Variants in RFTN1 observed in about 807,000 individuals in gnomAD.
RFTN1 encodes the protein raftlin, lipid raft linker 1, also known as raftlin.
RFTN1 carries 26 observed loss-of-function variants against 46.5 expected under a neutral mutation model. The ratio of observed to expected loss-of-function variants is 0.56; its 90% CI spans 0.41 to 0.78. RFTN1 has a LOEUF of 0.78. Among genes scored for constraint, RFTN1 ranks in the 30% least tolerant of loss-of-function variants. The pLI is 0.00. For synonymous variants in RFTN1, 261 were observed against 284.2 expected, an observed-to-expected ratio of 0.92 and a Z score of 0.82; for missense variants, 693 against 718.7, an observed-to-expected ratio of 0.96 and a Z score of 0.41.
At position 16,448,235 on chromosome 3, in the gene RFTN1, T is replaced by C. The variant is rs2124898567; in HGVS notation, c.146-14198A>G. Among the ~76,000 whole-genome samples, 1 of 152,350 alleles carries C rather than the reference T, an allele frequency of 6.6e-6. No homozygotes were observed. The highest frequency in any genetic ancestry group is 2.1e-4 in the South Asian group (1 of 4,830). The stretch of plus-strand genomic sequence containing the variant: ...ATATCATGAAAATTAACTTGCCTGT[T>C]TTTATTTTTTAATGTGGTTACTAGA... On this transcript the variant is annotated intron_variant, in intron 2 of 9. Coordinates refer to ENST00000334133, the MANE Select transcript of RFTN1 (RefSeq NM_015150.2). The surrounding 1 kb of genome is among the most constrained non-coding windows in gnomAD (Gnocchi z 4.1).
At chr3:16,392,584 TATTAC>T in intron 4 of RFTN1, among the ~76,000 whole-genome samples, 2 of 150,376 alleles carry the variant, frequency 1.3e-5, no homozygotes, top group South Asian at 4.2e-4. Context: ...TATAAATATA[TATTAC>T]ATCTATATAA....
In RFTN1 at chr3:16,500,272, T is replaced by C. The variant is rs2076690280; in HGVS notation, c.-8-6395A>G. Among the ~76,000 whole-genome samples, 1 of 152,224 alleles carries C rather than the reference T, an allele frequency of 6.6e-6. No homozygotes were observed. Among genetic ancestry groups the C allele is most frequent in the Non-Finnish European group, 1.5e-5 (1 of 68,042 alleles). ...TGTCAATCAGATTACCTATTTTATG[T>C]GTGAGTTCATTGTTGGATCAGCTTT... On this transcript the variant is annotated intron_variant, in intron 1 of 9. Transcript: ENST00000334133. The surrounding 1 kb of genome is among the most constrained non-coding windows in gnomAD (Gnocchi z 5.9).
At position 16,351,103 on chromosome 3, in the gene RFTN1, G is replaced by A. The variant is rs546753575; in HGVS notation, c.1146+6829C>T. Among the ~76,000 whole-genome samples the A allele has an allele frequency of 6.6e-6, 1 of 152,210 alleles. No individual in the cohort carries two copies. The highest frequency in any genetic ancestry group is 1.5e-5 in the Non-Finnish European group (1 of 68,038). On this transcript the variant is annotated intron_variant, in intron 7 of 9. Coordinates refer to ENST00000334133, the MANE Select transcript of RFTN1 (RefSeq NM_015150.2). This position sits in a 1 kb window ranked among gnomAD's most constrained non-coding sequence, Gnocchi z 5.4. ...GATTATGAGACAGGGTTACAGGCCA[G>A]AGTAGGTTTCAGTTACAGAAAAGTG...
rs1307365762 is a variant in RFTN1, at chr3:16,499,254, T to C, written c.-8-5377A>G. On this transcript the variant is annotated intron_variant, in intron 1 of 9. Coordinates refer to ENST00000334133, the MANE Select transcript of RFTN1 (RefSeq NM_015150.2). The surrounding 1 kb of genome is among the most constrained non-coding windows in gnomAD (Gnocchi z 4.9). ...TCCTCCTATTGAGCCTATTGAGAGG[T>C]GAGGTCTATGTCAATTACCCTGAAT... Among the ~76,000 whole-genome samples the C allele has an allele frequency of 6.6e-6, 1 of 152,112 alleles. No individual in the cohort carries two copies. The highest frequency in any genetic ancestry group is 2.4e-5 in the African/African-American group (1 of 41,404).
At chr3:16,378,131 A>C in intron 4 of RFTN1, 29 bp from the exon 5 acceptor site, 1 of 1,583,450 alleles carries the variant, frequency 6.3e-7, no homozygotes, top group African/African-American at 1.3e-5. Context: ...GAAGGGAAAC[A>C]AGTGAATGAA....
rs34223764 is a variant in RFTN1 at position 16,448,122 on chromosome 3, T to TA, written c.146-14086dup. Among the ~76,000 whole-genome samples the TA allele has an allele frequency of 0.01, 1,459 of 141,066 alleles. 21 individuals carry two copies. The highest frequency in any genetic ancestry group is 0.033 in the African/African-American group (1,282 of 38,654). The allele number at this position is 141,066 out of a possible 152,430, so 92.5% of individuals were successfully genotyped here. A position where few individuals can be genotyped will look rare whatever the true frequency, so the allele number is the denominator to read the frequency against. On this transcript the variant is annotated intron_variant, in intron 2 of 9. Coordinates refer to ENST00000334133, the MANE Select transcript of RFTN1 (RefSeq NM_015150.2). This position sits in a 1 kb window ranked among gnomAD's most constrained non-coding sequence, Gnocchi z 4.1. Reference sequence around the variant, plus strand: ...TACACACAGGATTTCAAAGACTTGGTAAAAAAAAAAAAAGTCTCCCAATAA... The same window carrying TA: ...TACACACAGGATTTCAAAGACTTGGTAAAAAAAAAAAAAAGTCTCCCAATAA...
intron 7 of RFTN1, chr3:16,349,647 A>G (rs925694816): frequency 1.3e-5 from 2 of 152,248 alleles, no homozygotes; most frequent in African/African-American, 4.8e-5. Flanking sequence ...TTCAACTCCT[A>G]TTTTACTTGC....
Position 16,443,623 on chromosome 3 carries a change from C to T in RFTN1, c.146-9586G>A, listed in dbSNP as rs960865367. 2.0e-5 allele frequency among the ~76,000 whole-genome samples: 3 copies of T among 152,062 alleles called. No individual in the cohort carries two copies. The highest frequency in any genetic ancestry group is 6.6e-5 in the Admixed American group (1 of 15,262). Reference sequence around the variant, plus strand: ...TGCCTCATCAAATGAATTAAGTTGCCGGCCGCCGGACCACAAATGACTGTT... The same window carrying T: ...TGCCTCATCAAATGAATTAAGTTGCTGGCCGCCGGACCACAAATGACTGTT... On this transcript the variant is annotated intron_variant, in intron 2 of 9. Transcript: ENST00000334133. This position sits in a 1 kb window ranked among gnomAD's most constrained non-coding sequence, Gnocchi z 5.5.
intron 5 of RFTN1, among the ~76,000 whole-genome samples, chr3:16,372,862 G>A (rs1445453072): frequency 6.6e-6 from 1 of 152,164 alleles, no homozygotes; most frequent in East Asian, 1.9e-4. Context: ...AAACAGTGTT[G>A]GAACGAAGAG....
At position 16,392,303 on chromosome 3, in the gene RFTN1, G is replaced by A. The variant is rs1198053398; in HGVS notation, c.442-14201C>T. 2.6e-5 allele frequency among the ~76,000 whole-genome samples: 4 copies of A among 152,302 alleles called. No individual in the cohort carries two copies. The East Asian group carries it at 5.8e-4, about 22-fold the overall frequency. ...CCTTCCAGTGTCAGGGGAAGATACA[G>A]CAGGCAGCCTAACTGCCTGCCAGGA... On this transcript the variant is annotated intron_variant, in intron 4 of 9. Transcript: ENST00000334133.
chr3:16,478,626 C>CA (rs1391200158), intron 2 of RFTN1, among the ~76,000 whole-genome samples: 4 of 152,332 alleles, frequency 2.6e-5, no homozygotes, highest in South Asian at 2.1e-4. Flanking sequence ...GCCTCTGGCT[C>CA]AAAATCTTTC....
At chr3:16,393,933 A>G (rs904501723) in intron 4 of RFTN1, among the ~76,000 whole-genome samples, 40 of 152,148 alleles carry the variant, frequency 2.6e-4, no homozygotes, top group Non-Finnish European at 4.4e-5. Flanking sequence ...TGCTGGGATT[A>G]CAGGTGTGAG....
At chr3:16,373,553 G>A (rs2125367843) in intron 5 of RFTN1, among the ~76,000 whole-genome samples, 1 of 152,360 alleles carries the variant, frequency 6.6e-6, no homozygotes, top group Middle Eastern at 3.4e-3. Context: ...GAAGGCTGCA[G>A]TTTGCCTGCA....
At chr3:16,419,716 C>T (rs1054197777) in intron 3 of RFTN1, among the ~76,000 whole-genome samples, 1 of 152,132 alleles carries the variant, frequency 6.6e-6, no homozygotes, top group Admixed American at 6.5e-5. Context: ...GTCAAGTAAA[C>T]AAATCCTAGC....
chr3:16,437,958 A>G (rs374893130), intron 2 of RFTN1, among the ~76,000 whole-genome samples: 27 of 152,320 alleles, frequency 1.8e-4, no homozygotes, highest in African/African-American at 6.5e-4. Flanking sequence ...GAAAAACTGA[A>G]TGTACTTTTG....
intron 2 of RFTN1, among the ~76,000 whole-genome samples, chr3:16,487,802 TA>T: frequency 6.6e-6 from 1 of 152,304 alleles, no homozygotes; most frequent in African/African-American, 2.4e-5. Flanking sequence ...AACGCTCACA[TA>T]AAAGGCATAA....
At chr3:16,325,992 A>G (rs937144585) in intron 8 of RFTN1, among the ~76,000 whole-genome samples, 1 of 152,232 alleles carries the variant, frequency 6.6e-6, no homozygotes, top group African/African-American at 2.4e-5. Context: ...CTGAGGTTCT[A>G]GGCCCAGTTT....
intron 8 of RFTN1, among the ~76,000 whole-genome samples, chr3:16,325,927 C>G (rs1473174486): frequency 1.3e-5 from 2 of 152,148 alleles, no homozygotes; most frequent in African/African-American, 4.8e-5. Context: ...CGGGGGCATC[C>G]TTGCTGGTCA....
intron 4 of RFTN1, among the ~76,000 whole-genome samples, chr3:16,401,617 A>T (rs1453141979): frequency 1.3e-5 from 2 of 152,182 alleles, no homozygotes. Flanking sequence ...ACCTTGGAAA[A>T]GTGCTATTTT....
Sources: gnomAD v4.1 joint callset for allele counts (sites outside exome capture counted in the v4.1 genomes callset) on GRCh38, gnomAD v4.1.1 for gene constraint, Gnocchi (gnomAD v3.1) non-coding constraint, MANE v1.5 for transcripts, NCBI Gene and HGNC (gene_info 2026-07-23, HGNC 2026-07-21) for gene names.